Variants in ZNF782 observed in about 807,000 individuals in gnomAD.
ZNF782 encodes zinc finger protein 782.
Under a neutral mutation model 13.0 loss-of-function variants are expected in ZNF782, and 12 were observed. The ratio of observed to expected loss-of-function variants is 0.92; its 90% CI spans 0.59 to 1.50. ZNF782 has a LOEUF of 1.50. Among genes scored for constraint, ZNF782 ranks in the 40% most tolerant of loss-of-function variants. The pLI, the probability that ZNF782 is intolerant of heterozygous loss-of-function variation, is 0.00. For missense variants in ZNF782, 770 were observed against 822.9 expected (o/e 0.94, Z 0.79); for synonymous variants, 284 against 283.0 (o/e 1.00, Z -0.04).
the ZNF782 span, chr9:96,892,505 C>T: frequency 1.3e-5 from 2 of 152,252 alleles, no homozygotes; most frequent in Non-Finnish European, 1.5e-5. Context: ...GACCCTTCCT[C>T]ACGCCTTTGC....
the ZNF782 span, among the ~76,000 whole-genome samples, chr9:96,910,977 T>A: frequency 6.7e-6 from 1 of 148,826 alleles, no homozygotes; most frequent in Admixed American, 6.7e-5. Flanking sequence ...GAAATTTGCT[T>A]GTATTTTTAA....
chr9:96,864,948 A>G (rs1276885722), intron 1 of ZNF782, among the ~76,000 whole-genome samples: 3 of 150,862 alleles, frequency 2.0e-5, no homozygotes, highest in Non-Finnish European at 4.4e-5. Flanking sequence ...TGAAAGGCTT[A>G]GGTGAATGGA....
Position 96,817,648 on chromosome 9 carries a change from C to T in ZNF782, c.*275G>A, listed in dbSNP as rs954634961. ...GCGTGAGTTTTCTGAGGAGTGAGTTCGCAAGAGTATTTTCCATATTCATTA... is the reference window on the plus strand; with the variant it reads ...GCGTGAGTTTTCTGAGGAGTGAGTTTGCAAGAGTATTTTCCATATTCATTA... On this transcript the variant is annotated 3_prime_UTR_variant, in exon 6 of 6. Coordinates refer to ENST00000481138, the MANE Select transcript of ZNF782 (RefSeq NM_001001662.3). The T allele has an allele frequency of 4.6e-5, 14 of 305,274 alleles. No homozygotes were observed. The highest frequency in any genetic ancestry group is 1.3e-4 in the African/African-American group (6 of 46,586). 18.9% of individuals were successfully genotyped at this position (305,274 alleles called of 1,614,324 possible).
chr9:96,872,547 G>T (rs1008759205), intron 1 of ZNF782, among the ~76,000 whole-genome samples: 1 of 149,106 alleles, frequency 6.7e-6, no homozygotes, highest in South Asian at 2.1e-4. Context: ...AAAAAAAATT[G>T]TGACTAGTAT....
chr9:96,896,264 G>A, the ZNF782 span, among the ~76,000 whole-genome samples: 168 of 152,212 alleles, frequency 1.1e-3, no homozygotes, highest in Middle Eastern at 3.4e-3. Context: ...TGGCAAGCTC[G>A]CAATACACCT....
At chr9:96,892,725 T>A in the ZNF782 span, 2 of 152,208 alleles carry the variant, frequency 1.3e-5, no homozygotes, top group Non-Finnish European at 2.9e-5. Flanking sequence ...TTAATTTTTT[T>A]AAATTGAGAT....
At chr9:96,880,554 T>C (rs1265037885), upstream of ZNF782, among the ~76,000 whole-genome samples, 1 of 152,236 alleles carries the variant, frequency 6.6e-6, no homozygotes, top group Non-Finnish European at 1.5e-5. Context: ...TGGTGTTTTA[T>C]TTTTTCTTTA....
intron 1 of ZNF782, among the ~76,000 whole-genome samples, chr9:96,865,483 C>G (rs1348221623): frequency 1.3e-5 from 2 of 152,218 alleles, no homozygotes; most frequent in East Asian, 3.9e-4. Flanking sequence ...ATTGTGAGGT[C>G]TCCCCAGCCA....
At chr9:96,912,524 C>G in the ZNF782 span, among the ~76,000 whole-genome samples, 1 of 148,304 alleles carries the variant, frequency 6.7e-6, no homozygotes, top group Non-Finnish European at 1.5e-5. Context: ...TAAAAGGCTT[C>G]TTTTTTTTCC....
intron 5 of ZNF782, among the ~76,000 whole-genome samples, chr9:96,822,144 A>G (rs571166277): frequency 6.6e-6 from 1 of 152,324 alleles, no homozygotes; most frequent in East Asian, 1.9e-4. Flanking sequence ...GCTCAGACTC[A>G]ATGCTAACCT....
chr9:96,898,822 C>T, the ZNF782 span, among the ~76,000 whole-genome samples: 4 of 148,850 alleles, frequency 2.7e-5, no homozygotes, highest in East Asian at 2.3e-4. Context: ...GTTCCACCCA[C>T]CTGGGCCTCC....
chr9:96,930,145 C>T, the ZNF782 span, among the ~76,000 whole-genome samples: 2 of 151,614 alleles, frequency 1.3e-5, no homozygotes, highest in African/African-American at 2.4e-5. Flanking sequence ...TTCGTTGGTC[C>T]CTATGTTCAG....
At chr9:96,821,549 C>T (rs1458148694) in intron 5 of ZNF782, among the ~76,000 whole-genome samples, 1 of 152,096 alleles carries the variant, frequency 6.6e-6, no homozygotes, top group African/African-American at 2.4e-5. Context: ...ATATCTGACA[C>T]TCATGATTTT....
chr9:96,857,607 C>T (rs1356433924), upstream of ZNF782, among the ~76,000 whole-genome samples: 2 of 152,194 alleles, frequency 1.3e-5, no homozygotes, highest in African/African-American at 4.8e-5. Flanking sequence ...TGTCTTGTCA[C>T]CCATTTATCT....
chr9:96,880,333 G>A (rs976710739), upstream of ZNF782, among the ~76,000 whole-genome samples: 1 of 152,182 alleles, frequency 6.6e-6, no homozygotes, highest in African/African-American at 2.4e-5. Context: ...TAGCAGTGGG[G>A]AGATCAGACA....
chr9:96,885,872 G>A, the ZNF782 span, among the ~76,000 whole-genome samples: 1 of 151,544 alleles, frequency 6.6e-6, no homozygotes, highest in African/African-American at 2.4e-5. Flanking sequence ...GACAGAGACA[G>A]AGTCTCACTC....
upstream of ZNF782, among the ~76,000 whole-genome samples, chr9:96,854,983 A>G (rs1401757252): frequency 1.3e-5 from 2 of 152,122 alleles, no homozygotes; most frequent in African/African-American, 4.8e-5. Context: ...AATTTACTTT[A>G]CAATTTTATA....
chr9:96,826,657 C>T lies in ZNF782; in HGVS notation c.244+423G>A, dbSNP rs150250847. Among the ~76,000 whole-genome samples, 555 of 152,296 alleles carry T rather than the reference C, an allele frequency of 3.6e-3. 4 individuals are homozygous for T. Among genetic ancestry groups the T allele is most frequent in the African/African-American group, 0.013 (522 of 41,578 alleles). ...TCTTGTAAGGTTTGCCCTTGGCTGG[C>T]ATCTAGAAACAAGATTCTCATAACT... On this transcript the variant is annotated intron_variant, in intron 5 of 5. Transcript: ENST00000481138.
intron 1 of ZNF782, among the ~76,000 whole-genome samples, chr9:96,869,127 T>C (rs553136535): frequency 6.6e-6 from 1 of 152,150 alleles, no homozygotes; most frequent in Non-Finnish European, 1.5e-5. Context: ...TGCAACTAGA[T>C]CATATTAAGA....
Sources: gnomAD v4.1 joint callset for allele counts (sites outside exome capture counted in the v4.1 genomes callset) on GRCh38, gnomAD v4.1.1 for gene constraint, MANE v1.5 for transcripts, NCBI Gene and HGNC (gene_info 2026-07-23, HGNC 2026-07-21) for gene names.